The following ANKHD1 variants were observed in gnomAD, a reference collection of about 807,000 sequenced individuals.
ANKHD1 encodes the protein ankyrin repeat and KH domain containing 1, also known as ankyrin repeat and KH domain-containing protein 1.
ANKHD1 carries 31 observed loss-of-function variants against 230.5 expected under a neutral mutation model. The observed-to-expected ratio is 0.13, with a 90% confidence interval of 0.10 to 0.18. The LOEUF is 0.18. ANKHD1 is among the 10% of genes least tolerant of loss of function. ANKHD1 has a pLI of 1.00. For synonymous variants in ANKHD1, 1,074 were observed against 1,117.6 expected, an observed-to-expected ratio of 0.96 and a Z score of 0.78; for missense variants, 2,256 against 3,071.3, an observed-to-expected ratio of 0.73 and a Z score of 6.27.
chr5:140,518,412 G>C lies in ANKHD1; in HGVS notation c.4317+4933G>C, dbSNP rs1362931765. On this transcript the variant is annotated intron_variant, in intron 24 of 33. Transcript: ENST00000360839. ...GAAACTATTCCAATCAATAGAAAAA[G>C]AGGGAATCCTCCCTAACTCATTTTA... Among the ~76,000 whole-genome samples, 25 of 152,048 alleles carry C rather than the reference G, an allele frequency of 1.6e-4. No homozygotes were observed. The South Asian group carries it at 1.9e-3, about 11-fold the overall frequency.
At chr5:140,463,041 G>A (rs967508690) in intron 9 of ANKHD1, among the ~76,000 whole-genome samples, 5 of 151,764 alleles carry the variant, frequency 3.3e-5, no homozygotes, top group African/African-American at 1.2e-4. Flanking sequence ...GTAGAGGTGG[G>A]GTCTTGCTTG....
At chr5:140,534,918 T>G (rs777806651) in intron 29 of ANKHD1, among the ~76,000 whole-genome samples, 1 of 152,246 alleles carries the variant, frequency 6.6e-6, no homozygotes, top group Non-Finnish European at 1.5e-5. Context: ...ATTGGTAGAT[T>G]TTGTTACTTA....
At position 140,485,101 on chromosome 5, in the gene ANKHD1, C is replaced by T. The variant is rs373398710; in HGVS notation, c.1871-20C>T. On this transcript the variant is annotated intron_variant, in intron 11 of 33. Transcript: ENST00000360839. The surrounding 1 kb of genome is among the most constrained non-coding windows in gnomAD (Gnocchi z 4.8). ...TTGATGTCAACCTTTGCTAAGATTG[C>T]GATTTATTTTTCTTCAAAGGTGCCA... The T allele has an allele frequency of 1.8e-5, 28 of 1,588,488 alleles. No individual in the cohort carries two copies. Among genetic ancestry groups the T allele is most frequent in the East Asian group, 4.5e-5 (2 of 44,148 alleles).
intron 1 of ANKHD1, among the ~76,000 whole-genome samples, chr5:140,425,274 T>A (rs1772311184): frequency 6.6e-6 from 1 of 152,222 alleles, no homozygotes; most frequent in Admixed American, 6.5e-5. Flanking sequence ...TTACTGTTTT[T>A]TATTAAGACA....
intron 1 of ANKHD1, among the ~76,000 whole-genome samples, chr5:140,424,523 A>T (rs1012576999): frequency 6.6e-6 from 1 of 152,202 alleles, no homozygotes; most frequent in Non-Finnish European, 1.5e-5. Context: ...TATGGCTAGA[A>T]TATAAAAAGC....
At chr5:140,484,884 C>T in intron 11 of ANKHD1, 4 of 468,760 alleles carry the variant, frequency 8.5e-6, no homozygotes, top group Non-Finnish European at 1.3e-5. Flanking sequence ...TGGGTAGTGA[C>T]TGAAAGGGAG....
chr5:140,458,969 TATATATATATGCATATATATATATATGC>T lies in ANKHD1; in HGVS notation c.1480+118_1480+145del, dbSNP rs1452085063. On this transcript the variant is annotated intron_variant, in intron 8 of 33. Transcript: ENST00000360839. ...GCATATATATATATATATATATATATATATATATATGCATATATATATATATGCATATATATATATATATATATATATA... is the reference window on the plus strand; with the variant it reads ...GCATATATATATATATATATATATATATATATATATATATATATATATATA... 232 of 23,980 alleles carry T rather than the reference TATATATATATGCATATATATATATATGC, an allele frequency of 9.7e-3. 28 individuals are homozygous for T. Among genetic ancestry groups the T allele is most frequent in the South Asian group, 0.022 (11 of 508 alleles). 1.5% of individuals were successfully genotyped at this position (23,980 alleles called of 1,614,324 possible). A position where few individuals can be genotyped will look rare whatever the true frequency, so the allele number is the denominator to read the frequency against.
intron 1 of ANKHD1, among the ~76,000 whole-genome samples, chr5:140,427,591 C>T (rs1772600501): frequency 2.9e-5 from 4 of 136,708 alleles, no homozygotes; most frequent in Non-Finnish European, 3.2e-5. Context: ...GCTGGCCGGG[C>T]GGGGGGCTGA....
intron 1 of ANKHD1, among the ~76,000 whole-genome samples, chr5:140,420,234 C>T (rs1433343765): frequency 6.6e-6 from 1 of 151,714 alleles, no homozygotes; most frequent in African/African-American, 2.4e-5. Context: ...AGGCAGTCCT[C>T]CCGCCTTGGC....
intron 8 of ANKHD1, 127 bp downstream of exon 8, chr5:140,458,989 T>TATTC: frequency 5.4e-5 from 1 of 18,674 alleles, no homozygotes; most frequent in East Asian, 2.0e-3. Context: ...TGCATATATA[T>TATTC]ATATATGCAT....
At chr5:140,419,470 T>G (rs1771696460) in intron 1 of ANKHD1, among the ~76,000 whole-genome samples, 1 of 139,464 alleles carries the variant, frequency 7.2e-6, no homozygotes, top group Middle Eastern at 3.6e-3. Flanking sequence ...TTTTTTTTTT[T>G]TTTGTTTTTG....
At chr5:140,504,689 C>G in intron 15 of ANKHD1, 132 bp from the exon 16 acceptor site, 1 of 1,230,106 alleles carries the variant, frequency 8.1e-7, no homozygotes, top group Non-Finnish European at 1.1e-6. Flanking sequence ...GTAGGTCTGT[C>G]TGATTCCAAA....
At chr5:140,414,251 T>C (rs1257052651) in intron 1 of ANKHD1, among the ~76,000 whole-genome samples, 1 of 152,228 alleles carries the variant, frequency 6.6e-6, no homozygotes, top group East Asian at 1.9e-4. Flanking sequence ...CTATTTTTAA[T>C]TTTTTGAGGA....
intron 1 of ANKHD1, among the ~76,000 whole-genome samples, chr5:140,433,016 T>C (rs1422621700): frequency 6.6e-6 from 1 of 151,354 alleles, no homozygotes; most frequent in Non-Finnish European, 1.5e-5. Flanking sequence ...TACCTTACAT[T>C]TTTTGAGTGG....
At chr5:140,469,630 C>T (rs750422555) in intron 10 of ANKHD1, among the ~76,000 whole-genome samples, 3 of 152,068 alleles carry the variant, frequency 2.0e-5, no homozygotes, top group Non-Finnish European at 4.4e-5. Context: ...TATGTGAAGA[C>T]ACCATTTACA....
At position 140,535,490 on chromosome 5, in the gene ANKHD1, A is replaced by C. The variant is rs745315191; in HGVS notation, c.6979A>C (p.Asn2327His). 1 of 1,612,526 alleles carries C rather than the reference A, an allele frequency of 6.2e-7. No individual in the cohort carries two copies. Among genetic ancestry groups the C allele is most frequent in the Non-Finnish European group, 8.5e-7 (1 of 1,179,546 alleles). Residue 2327 changes from asparagine (N) to histidine (H), a missense_variant, in exon 30 of 34, where the codon AAC becomes CAC. Asn to His is a moderately conservative substitution (Grantham distance 68, BLOSUM62 1). Transcript: ENST00000360839. ...GPAPVGTPSF[N>H]RQHFSPHPWT... ...AGCTCCTGTTGGGACTCCTAGTTTC[A>C]ACAGACAACATTTTTCTCCCCATCC...
chr5:140,403,525 C>T lies in ANKHD1; in HGVS notation c.306+1252C>T, dbSNP rs147214989. On this transcript the variant is annotated intron_variant, in intron 1 of 33. Transcript: ENST00000360839. ...CTCCTGGGTTCAAGCGATTCCCCTG[C>T]CTTAGCCTCCTGAGTAGCTGGGACT... 6.6e-3 allele frequency among the ~76,000 whole-genome samples: 1,012 copies of T among 152,212 alleles called. 10 individuals carry two copies. The highest frequency in any genetic ancestry group is 0.023 in the African/African-American group (941 of 41,522).
intron 1 of ANKHD1, among the ~76,000 whole-genome samples, chr5:140,424,198 A>C (rs113406313): frequency 5.9e-5 from 9 of 151,668 alleles, no homozygotes; most frequent in Admixed American, 5.9e-4. Context: ...AAGAATAATA[A>C]TACTAGCTAC....
At chr5:140,513,666 A>G (rs1752857557) in intron 24 of ANKHD1, among the ~76,000 whole-genome samples, 187 bp downstream of exon 24, 1 of 152,080 alleles carries the variant, frequency 6.6e-6, no homozygotes, top group South Asian at 2.1e-4. Flanking sequence ...AAAATTAGCC[A>G]GGTGTGGTGG....
Sources: allele counts gnomAD v4.1 joint callset (sites outside exome capture counted in the v4.1 genomes callset), GRCh38; gene constraint gnomAD v4.1.1; non-coding constraint Gnocchi (gnomAD v3.1); transcripts MANE v1.5; gene names NCBI Gene and HGNC (gene_info 2026-07-23, HGNC 2026-07-21).